The following NR1H4 variants were observed in gnomAD, a reference collection of about 807,000 sequenced individuals.
NR1H4 encodes the protein bile acid receptor.
A neutral mutation model predicts 58.5 loss-of-function variants in NR1H4; 23 were observed. The ratio of observed to expected loss-of-function variants is 0.39; its 90% confidence interval spans 0.28 to 0.56. The LOEUF (loss-of-function observed/expected upper bound fraction) is 0.56, where lower values mean the gene tolerates loss of function less well. Ranked by LOEUF, NR1H4 falls within the 20% of genes least tolerant of loss-of-function variation. The pLI, the probability that NR1H4 is intolerant of heterozygous loss-of-function variation, is 0.58. For missense variants in NR1H4, 487 were observed against 576.9 expected, an observed-to-expected ratio of 0.84 and a Z score of 1.60; for synonymous variants, 214 against 198.0, an observed-to-expected ratio of 1.08 and a Z score of -0.68.
In NR1H4 at chr12:100,563,547, T is replaced by C; in HGVS notation, c.*58T>C. The C allele has an allele frequency of 7.6e-7, 1 of 1,312,346 alleles. No homozygotes were observed. The highest frequency in any genetic ancestry group is 2.3e-5 in the East Asian group (1 of 43,568). The allele number at this position is 1,312,346 out of a possible 1,614,324, so 81.3% of individuals were successfully genotyped here. ...TTCTCTCTCATATTAATCTGATGTA[T>C]AACTTTCCTTTATTTCACTTGTACC... On this transcript the variant is annotated 3_prime_UTR_variant, in exon 11 of 11. Transcript: ENST00000392986.
intron 4 of NR1H4, among the ~76,000 whole-genome samples, chr12:100,514,498 G>A (rs1343151167): frequency 3.9e-5 from 6 of 152,090 alleles, no homozygotes; most frequent in Non-Finnish European, 7.4e-5. Context: ...GGGATGTCTT[G>A]TACATACTGT....
At chr12:100,511,360 C>T (rs1400972101) in intron 4 of NR1H4, among the ~76,000 whole-genome samples, 1 of 152,158 alleles carries the variant, frequency 6.6e-6, no homozygotes, top group Non-Finnish European at 1.5e-5. Context: ...GTTAGAGTAT[C>T]TAGCTTAGAG....
At chr12:100,493,758 A>T (rs755405952) in intron 3 of NR1H4, among the ~76,000 whole-genome samples, 1 of 152,194 alleles carries the variant, frequency 6.6e-6, no homozygotes, top group South Asian at 2.1e-4. Context: ...TTATGGCTTA[A>T]TATGACACCT....
intron 1 of NR1H4, among the ~76,000 whole-genome samples, chr12:100,488,880 C>T (rs1232407046): frequency 1.3e-5 from 2 of 151,970 alleles, no homozygotes; most frequent in African/African-American, 4.8e-5. Context: ...GATGTCAACC[C>T]AAAAAGTGTG....
At chr12:100,492,715 T>C (rs1953631298) in intron 2 of NR1H4, 78 bp downstream of exon 2, 1 of 153,312 alleles carries the variant, frequency 6.5e-6, no homozygotes, top group African/African-American at 2.4e-5. Context: ...AGGTAGATCA[T>C]GACAGTGAAA....
intron 4 of NR1H4, among the ~76,000 whole-genome samples, chr12:100,511,945 TA>T (rs1396813096): frequency 4.6e-5 from 7 of 150,710 alleles, no homozygotes; most frequent in African/African-American, 1.5e-4. Context: ...TTTTTTTTTT[TA>T]TTTAGCCTAG....
At chr12:100,523,386 A>G (rs765035431) in intron 4 of NR1H4, among the ~76,000 whole-genome samples, 2 of 152,112 alleles carry the variant, frequency 1.3e-5, no homozygotes, top group Non-Finnish European at 2.9e-5. Context: ...TCATTTGTCC[A>G]CTTTTTGATG....
intron 6 of NR1H4, 141 bp from the exon 7 acceptor site, chr12:100,536,371 T>G (rs949308068): frequency 1.6e-6 from 1 of 633,260 alleles, no homozygotes; most frequent in Admixed American, 2.8e-5. Context: ...ATACACTCTC[T>G]TAGAACTCAT....
chr12:100,562,070 A>T (rs1955488386), intron 10 of NR1H4, 72 bp downstream of exon 10: 1 of 767,664 alleles, frequency 1.3e-6, no homozygotes, highest in Non-Finnish European at 2.3e-6. Context: ...TTATTGAAAA[A>T]AATCTGGAAA....
intron 3 of NR1H4, among the ~76,000 whole-genome samples, chr12:100,495,174 C>A (rs1234614225): frequency 6.6e-6 from 1 of 152,144 alleles, no homozygotes; most frequent in African/African-American, 2.4e-5. Flanking sequence ...TTTTGCTGGA[C>A]CACATTCTTA....
intron 4 of NR1H4, among the ~76,000 whole-genome samples, chr12:100,522,214 ATGT>A (rs1355482051): frequency 6.6e-6 from 1 of 151,962 alleles, no homozygotes; most frequent in African/African-American, 2.4e-5. Context: ...AATTATGGTA[ATGT>A]TGGTGATGTG....
At chr12:100,550,185 T>C (rs1701914933) in intron 9 of NR1H4, among the ~76,000 whole-genome samples, 1 of 152,154 alleles carries the variant, frequency 6.6e-6, no homozygotes, top group African/African-American at 2.4e-5. Flanking sequence ...TCTGATATAA[T>C]TTGTGCTTGA....
chr12:100,505,513 C>T (rs1402697404), intron 3 of NR1H4: 2 of 687,298 alleles, frequency 2.9e-6, no homozygotes, highest in African/African-American at 3.5e-5. Flanking sequence ...GATGGCACTC[C>T]TTTAGAGAAG....
At chr12:100,520,978 A>AT (rs2136196791) in intron 4 of NR1H4, among the ~76,000 whole-genome samples, 1 of 152,272 alleles carries the variant, frequency 6.6e-6, no homozygotes, top group African/African-American at 2.4e-5. Flanking sequence ...GATATTATCT[A>AT]TTTTGTGGGA....
At chr12:100,536,869 G>A in intron 7 of NR1H4, 79 bp from the exon 8 acceptor site, 1 of 896,156 alleles carries the variant, frequency 1.1e-6, no homozygotes, top group South Asian at 1.6e-5. Flanking sequence ...TCTAAACCTA[G>A]TTTTTCTTTA....
At chr12:100,502,782 T>C (rs1953864266) in intron 3 of NR1H4, among the ~76,000 whole-genome samples, 1 of 152,166 alleles carries the variant, frequency 6.6e-6, no homozygotes, top group Admixed American at 6.5e-5. Flanking sequence ...TTGTCTTACA[T>C]GGTGGTAGGC....
chr12:100,533,506 TG>T lies in NR1H4; in HGVS notation c.598+898del, dbSNP rs746296871. ...TCTGTGTAAATAATCCAGCTCTGGGTGGATGAAAATTTTATAGTAGCTGATC... is the reference window on the plus strand; with the variant it reads ...TCTGTGTAAATAATCCAGCTCTGGGTGATGAAAATTTTATAGTAGCTGATC... On this transcript the variant is annotated intron_variant, in intron 5 of 10. Coordinates refer to ENST00000392986, the MANE Select transcript of NR1H4 (RefSeq NM_001206979.2). 5.9e-5 allele frequency among the ~76,000 whole-genome samples: 9 copies of T among 152,258 alleles called. No individual in the cohort carries two copies. In the East Asian group the frequency reaches 1.4e-3, roughly 23 times the overall value.
intron 1 of NR1H4, among the ~76,000 whole-genome samples, chr12:100,490,264 G>C (rs975498216): frequency 6.6e-6 from 1 of 152,162 alleles, no homozygotes; most frequent in African/African-American, 2.4e-5. Context: ...CCAAAATGAA[G>C]ATGAGTGTGC....
At chr12:100,513,851 A>T (rs1364532741) in intron 4 of NR1H4, among the ~76,000 whole-genome samples, 1 of 151,472 alleles carries the variant, frequency 6.6e-6, no homozygotes. Context: ...GAAGGAAGGA[A>T]GGAAGGAAGG....
Sources: allele counts gnomAD v4.1 joint callset (sites outside exome capture counted in the v4.1 genomes callset), GRCh38; gene constraint gnomAD v4.1.1; transcripts MANE v1.5; gene names NCBI Gene and HGNC (gene_info 2026-07-23, HGNC 2026-07-21).